NGF: variants seen among roughly 807,000 people sequenced by gnomAD.
NGF encodes nerve growth factor, also known as beta-nerve growth factor.
Under a neutral mutation model 12.8 loss-of-function variants are expected in NGF, and 4 were observed. The observed-to-expected ratio is 0.31, with a 90% CI of 0.15 to 0.72. NGF has a LOEUF of 0.72. Among genes scored for constraint, NGF ranks in the 30% least tolerant of loss-of-function variants. The pLI is 0.69. For missense variants in NGF, 283 were observed against 330.8 expected, an observed-to-expected ratio of 0.86 and a Z score of 1.12; for synonymous variants, 140 against 130.0, an observed-to-expected ratio of 1.08 and a Z score of -0.52.
intron 1 of NGF, among the ~76,000 whole-genome samples, chr1:115,303,651 C>T (rs1229181512): frequency 6.6e-6 from 1 of 152,156 alleles, no homozygotes; most frequent in Non-Finnish European, 1.5e-5. Flanking sequence ...TTACCATCCC[C>T]ACCATCAACA....
intron 1 of NGF, among the ~76,000 whole-genome samples, chr1:115,337,568 G>A (rs980607591): frequency 2.0e-5 from 3 of 152,190 alleles, no homozygotes; most frequent in Non-Finnish European, 4.4e-5. Context: ...GGAGGGCCCC[G>A]GTACGCCGGA....
intron 1 of NGF, among the ~76,000 whole-genome samples, chr1:115,296,466 T>A (rs1653873154): frequency 6.6e-6 from 1 of 152,190 alleles, no homozygotes; most frequent in African/African-American, 2.4e-5. Flanking sequence ...AAATAAAAAA[T>A]TCCACAATTC....
chr1:115,286,962 G>T (rs185978948), intron 2 of NGF, among the ~76,000 whole-genome samples, 155 bp from the exon 3 acceptor site: 123 of 152,236 alleles, frequency 8.1e-4, no homozygotes, highest in African/African-American at 2.8e-3. Flanking sequence ...TGCTAGCAAT[G>T]GTTATACCGG....
At chr1:115,314,638 G>A (rs2101043111) in intron 1 of NGF, among the ~76,000 whole-genome samples, 1 of 152,282 alleles carries the variant, frequency 6.6e-6, no homozygotes, top group Admixed American at 6.5e-5. Flanking sequence ...GGGGTTAATA[G>A]ATAAGCACAC....
intron 1 of NGF, among the ~76,000 whole-genome samples, chr1:115,297,016 C>T (rs1314392475): frequency 6.6e-6 from 1 of 152,206 alleles, no homozygotes; most frequent in Non-Finnish European, 1.5e-5. Context: ...CAAAGGAATC[C>T]TAATAAAGTC....
intron 1 of NGF, among the ~76,000 whole-genome samples, chr1:115,328,779 C>G (rs1654836994): frequency 6.6e-6 from 1 of 152,152 alleles, no homozygotes. Context: ...TACCCAATGT[C>G]AGTGCCCAGT....
chr1:115,303,916 G>A (rs1379298741), intron 1 of NGF, among the ~76,000 whole-genome samples: 3 of 152,202 alleles, frequency 2.0e-5, no homozygotes, highest in Non-Finnish European at 2.9e-5. Flanking sequence ...GTGGTGAATA[G>A]AGTGGGGTCT....
chr1:115,337,634 A>T (rs1435650280), intron 1 of NGF, among the ~76,000 whole-genome samples: 1 of 151,972 alleles, frequency 6.6e-6, no homozygotes, highest in South Asian at 2.1e-4. Flanking sequence ...GCCCTCAGTC[A>T]CGACTCCCAG....
chr1:115,303,558 CAT>C (rs1412823802), intron 1 of NGF, among the ~76,000 whole-genome samples: 68 of 152,052 alleles, frequency 4.5e-4, no homozygotes, highest in Admixed American at 3.4e-3. Flanking sequence ...TCATCATCAT[CAT>C]CACCATCCTC....
chr1:115,328,234 T>A (rs1654826472), intron 1 of NGF, among the ~76,000 whole-genome samples: 1 of 152,104 alleles, frequency 6.6e-6, no homozygotes, highest in African/African-American at 2.4e-5. Flanking sequence ...TAAGCTTCCA[T>A]GAGAACTAAG....
chr1:115,296,561 A>G (rs1046572477), intron 1 of NGF, among the ~76,000 whole-genome samples: 10 of 152,164 alleles, frequency 6.6e-5, no homozygotes, highest in Non-Finnish European at 1.2e-4. Context: ...TTCTGGACCA[A>G]GTCACCTTGG....
At chr1:115,325,805 A>G (rs12060360) in intron 1 of NGF, among the ~76,000 whole-genome samples, 15,890 of 152,152 alleles carry the variant, frequency 0.1, 1,582 homozygotes, top group African/African-American at 0.26. Context: ...GGTGAAGCCA[A>G]CAAACTTGCT....
At chr1:115,299,898 C>A (rs150365514) in intron 1 of NGF, among the ~76,000 whole-genome samples, 1 of 152,154 alleles carries the variant, frequency 6.6e-6, no homozygotes, top group Non-Finnish European at 1.5e-5. Context: ...GGAACAATGA[C>A]TCTCAGGTTC....
intron 1 of NGF, among the ~76,000 whole-genome samples, chr1:115,314,741 A>G (rs1349880946): frequency 6.6e-6 from 1 of 152,214 alleles, no homozygotes; most frequent in Admixed American, 6.5e-5. Context: ...CCAAAGCACT[A>G]TTCTAGATAC....
At chr1:115,290,155 C>T (rs951064548) in intron 2 of NGF, among the ~76,000 whole-genome samples, 7 of 152,258 alleles carry the variant, frequency 4.6e-5, no homozygotes, top group Admixed American at 6.5e-5. Flanking sequence ...ACTCCCCTCA[C>T]ATAGTTTGCA....
chr1:115,334,238 G>A (rs935200530), intron 1 of NGF, among the ~76,000 whole-genome samples: 6 of 152,138 alleles, frequency 3.9e-5, no homozygotes, highest in African/African-American at 1.4e-4. Flanking sequence ...GTTGTATTAA[G>A]TGCGGTCAGT....
intron 1 of NGF, among the ~76,000 whole-genome samples, chr1:115,330,943 A>G (rs1172652775): frequency 6.6e-6 from 1 of 152,166 alleles, no homozygotes; most frequent in African/African-American, 2.4e-5. Context: ...GGATTCTGAC[A>G]AAGGGCAACT....
intron 1 of NGF, among the ~76,000 whole-genome samples, chr1:115,337,725 G>C (rs1410567291): frequency 1.3e-5 from 2 of 152,086 alleles, no homozygotes; most frequent in African/African-American, 4.8e-5. Context: ...GGGCCGCGCA[G>C]CACTTTCCCT....
intron 1 of NGF, among the ~76,000 whole-genome samples, chr1:115,309,659 A>G (rs892995434): frequency 6.6e-6 from 1 of 152,108 alleles, no homozygotes; most frequent in Non-Finnish European, 1.5e-5. Flanking sequence ...CCCACTTATG[A>G]GTGAGAACAT....
Sources: allele counts gnomAD v4.1 joint callset (sites outside exome capture counted in the v4.1 genomes callset), GRCh38; gene constraint gnomAD v4.1.1; transcripts MANE v1.5; gene names NCBI Gene and HGNC (gene_info 2026-07-23, HGNC 2026-07-21).